The following MICU1 variants were observed in gnomAD, a reference collection of about 807,000 sequenced individuals.
MICU1 encodes the protein mitochondrial calcium uptake 1, also known as calcium uptake protein 1, mitochondrial.
MICU1 carries 45 observed loss-of-function variants against 56.8 expected under a neutral mutation model. The observed-to-expected ratio is 0.79, with a 90% CI of 0.62 to 1.02. The LOEUF (loss-of-function observed/expected upper bound fraction) is 1.02. Among genes scored for constraint, MICU1 ranks in the 50% least tolerant of loss-of-function variants. MICU1 has a pLI of 0.00. For synonymous variants in MICU1, 186 were observed against 195.1 expected, an observed-to-expected ratio of 0.95 and a Z score of 0.39; for missense variants, 504 against 587.1, an observed-to-expected ratio of 0.86 and a Z score of 1.46.
At chr10:72,420,193 A>G (rs1382150862) in intron 9 of MICU1, among the ~76,000 whole-genome samples, 1 of 151,964 alleles carries the variant, frequency 6.6e-6, no homozygotes, top group Non-Finnish European at 1.5e-5. Context: ...CTGAGTAGCT[A>G]GGATTACAGG....
intron 6 of MICU1, among the ~76,000 whole-genome samples, chr10:72,490,720 T>G (rs554309806): frequency 6.6e-6 from 1 of 152,340 alleles, no homozygotes; most frequent in Non-Finnish European, 1.5e-5. Flanking sequence ...CTCTTCTGCC[T>G]GTGAGTTCCC....
At chr10:72,440,207 G>A (rs950590503) in intron 8 of MICU1, among the ~76,000 whole-genome samples, 1 of 152,104 alleles carries the variant, frequency 6.6e-6, no homozygotes, top group Non-Finnish European at 1.5e-5. Context: ...CAGATATATA[G>A]ACTAATGGAA....
intron 10 of MICU1, among the ~76,000 whole-genome samples, chr10:72,393,914 C>A (rs113465967): frequency 3.3e-5 from 5 of 152,100 alleles, no homozygotes; most frequent in African/African-American, 9.6e-5. Context: ...TACAGGTGCC[C>A]GCTGCCACTG....
chr10:72,371,802 T>C (rs1447746397), intron 11 of MICU1, among the ~76,000 whole-genome samples: 1 of 151,918 alleles, frequency 6.6e-6, no homozygotes, highest in African/African-American at 2.4e-5. Flanking sequence ...ACACCTGTAA[T>C]CTCAGCACTT....
intron 8 of MICU1, among the ~76,000 whole-genome samples, chr10:72,474,523 T>C (rs866855170): frequency 2.0e-5 from 3 of 152,134 alleles, no homozygotes; most frequent in Non-Finnish European, 2.9e-5. Context: ...CTCAGCAACA[T>C]TGCCTTAAAC....
chr10:72,599,012 C>A (rs570145337), intron 1 of MICU1, among the ~76,000 whole-genome samples: 1 of 152,234 alleles, frequency 6.6e-6, no homozygotes, highest in East Asian at 1.9e-4. Flanking sequence ...GTGAGTTTCC[C>A]GTTCCATCGT....
rs183908265 is a variant in MICU1 at position 72,552,098 on chromosome 10, G to A, written c.331-757C>T. Among the ~76,000 whole-genome samples, 132 of 152,210 alleles carry A rather than the reference G, an allele frequency of 8.7e-4. 1 individual carries two copies. Among genetic ancestry groups the A allele is most frequent in the African/African-American group, 8.9e-4 (37 of 41,520 alleles). Reference sequence around the variant, plus strand: ...TGATGGCATAGAAAAATAAAATTACGTATCATGGAAACTCAATTATTAACA... The same window carrying A: ...TGATGGCATAGAAAAATAAAATTACATATCATGGAAACTCAATTATTAACA... On this transcript the variant is annotated intron_variant, in intron 3 of 11. Coordinates refer to ENST00000361114, the MANE Select transcript of MICU1 (RefSeq NM_001195518.2).
chr10:72,501,088 A>G (rs1375237742), intron 6 of MICU1, among the ~76,000 whole-genome samples: 2 of 152,176 alleles, frequency 1.3e-5, no homozygotes, highest in Non-Finnish European at 2.9e-5. Context: ...CCTAGAATGA[A>G]TCTGAATTCA....
At chr10:72,411,669 T>C (rs902983647) in intron 9 of MICU1, among the ~76,000 whole-genome samples, 20 of 152,134 alleles carry the variant, frequency 1.3e-4, no homozygotes, top group Non-Finnish European at 2.6e-4. Context: ...GACTAAGTTA[T>C]TGAAAGGGTA....
chr10:72,395,171 T>C (rs1863206840), intron 10 of MICU1, among the ~76,000 whole-genome samples: 1 of 152,042 alleles, frequency 6.6e-6, no homozygotes, highest in African/African-American at 2.4e-5. Flanking sequence ...AGAGTGAGAC[T>C]CCATCTCAAA....
At position 72,423,388 on chromosome 10, in the gene MICU1, A is replaced by T; in HGVS notation, c.934-17T>A. On this transcript the variant is annotated splice_polypyrimidine_tract_variant and intron_variant, in intron 8 of 11. Coordinates refer to ENST00000361114, the MANE Select transcript of MICU1 (RefSeq NM_001195518.2). ...GCGTTCAAACTGGGAGGGAAACAGA[A>T]AGAATGTTCCTAGGGTCAATGGAAA... 1 of 1,612,766 alleles carries T rather than the reference A, an allele frequency of 6.2e-7. No homozygotes were observed. The highest frequency in any genetic ancestry group is 8.5e-7 in the Non-Finnish European group (1 of 1,179,342).
rs2132465010 is a variant in MICU1 at position 72,561,690 on chromosome 10, T to G, written c.330+1205A>C. Among the ~76,000 whole-genome samples, 2 of 152,270 alleles carry G rather than the reference T, an allele frequency of 1.3e-5. 1 individual carries two copies. Among genetic ancestry groups the G allele is most frequent in the South Asian group, 4.1e-4 (2 of 4,828 alleles). ...AGCGGGGCATGGTGGTGCATGCCTG[T>G]AATCCCAGCTATTGGGAAGCTGAGG... On this transcript the variant is annotated intron_variant, in intron 3 of 11. Coordinates refer to ENST00000361114, the MANE Select transcript of MICU1 (RefSeq NM_001195518.2).
intron 5 of MICU1, among the ~76,000 whole-genome samples, chr10:72,530,335 A>AAATAATAATAAT (rs372087915): frequency 2.4e-3 from 154 of 64,928 alleles, no homozygotes; most frequent in Non-Finnish European, 4.4e-3. Context: ...CTCCATATCA[A>AAATAATAATAAT]AATAATAATA....
At chr10:72,532,114 G>A (rs1179868579) in intron 5 of MICU1, among the ~76,000 whole-genome samples, 1 of 151,902 alleles carries the variant, frequency 6.6e-6, no homozygotes, top group East Asian at 1.9e-4. Flanking sequence ...TCAGGAGATT[G>A]AGACCATCCT....
intron 5 of MICU1, among the ~76,000 whole-genome samples, chr10:72,521,731 C>A (rs904922203): frequency 1.3e-5 from 2 of 152,000 alleles, no homozygotes; most frequent in Non-Finnish European, 2.9e-5. Flanking sequence ...ATATTGTTCA[C>A]AATTTCTGGA....
At chr10:72,557,023 G>A (rs1840175924) in intron 3 of MICU1, among the ~76,000 whole-genome samples, 2 of 151,806 alleles carry the variant, frequency 1.3e-5, no homozygotes, top group East Asian at 1.9e-4. Context: ...CAGAGATCAC[G>A]CCACTGCACT....
rs111587656 is a variant in MICU1 at position 72,525,221 on chromosome 10, C to T, written c.537+8525G>A. 8.1e-3 allele frequency among the ~76,000 whole-genome samples: 1,220 copies of T among 150,838 alleles called. 15 individuals carry two copies. The highest frequency in any genetic ancestry group is 0.028 in the African/African-American group (1,149 of 41,172). Reference sequence around the variant, plus strand: ...AAGCAGTTGTTGTTAGCTAATTTAGCTGGGTACCACTCCAAACTATTTTCA... The same window carrying T: ...AAGCAGTTGTTGTTAGCTAATTTAGTTGGGTACCACTCCAAACTATTTTCA... On this transcript the variant is annotated intron_variant, in intron 5 of 11. Coordinates refer to ENST00000361114, the MANE Select transcript of MICU1 (RefSeq NM_001195518.2).
At chr10:72,490,895 T>G (rs961452046) in intron 6 of MICU1, among the ~76,000 whole-genome samples, 1 of 152,220 alleles carries the variant, frequency 6.6e-6, no homozygotes, top group African/African-American at 2.4e-5. Context: ...GGACCCGTTT[T>G]TTCCCCTCAA....
intron 8 of MICU1, among the ~76,000 whole-genome samples, chr10:72,451,550 T>C (rs748863170): frequency 6.6e-6 from 1 of 152,128 alleles, no homozygotes; most frequent in Non-Finnish European, 1.5e-5. Context: ...ATAATCTTTT[T>C]TGTTGTTTTT....
Sources: allele counts gnomAD v4.1 joint callset (sites outside exome capture counted in the v4.1 genomes callset), GRCh38; gene constraint gnomAD v4.1.1; transcripts MANE v1.5; gene names NCBI Gene and HGNC (gene_info 2026-07-23, HGNC 2026-07-21).